The following CADM2 variants were observed in gnomAD, a reference collection of about 807,000 sequenced individuals.
CADM2 encodes the protein cell adhesion molecule 2.
In CADM2, 12 loss-of-function variants were observed where a neutral mutation model predicts 49.8. That is an observed-to-expected ratio of 0.24 (90% CI 0.15 to 0.39). The LOEUF (loss-of-function observed/expected upper bound fraction) is 0.39. Ranked by LOEUF, CADM2 falls within the 10% of genes least tolerant of loss-of-function variation. The pLI is 1.00. For synonymous variants in CADM2, 214 were observed against 175.4 expected, an observed-to-expected ratio of 1.22 and a Z score of -1.74; for missense variants, 378 against 492.3, an observed-to-expected ratio of 0.77 and a Z score of 2.20.
intron 1 of CADM2, among the ~76,000 whole-genome samples, chr3:85,468,510 G>A (rs989968804): frequency 6.6e-6 from 1 of 152,168 alleles, no homozygotes; most frequent in Non-Finnish European, 1.5e-5. Context: ...TCATTCTTAA[G>A]TGAGTATATA....
intron 1 of CADM2, among the ~76,000 whole-genome samples, chr3:85,295,936 G>GA (rs1315751827): frequency 6.7e-6 from 1 of 150,156 alleles, no homozygotes; most frequent in Non-Finnish European, 1.5e-5. Context: ...ATAAAAAAAA[G>GA]AAAAAAAGAA....
At chr3:85,344,380 AAAATAAATAAATAAATAAAT>A (rs74850280) in intron 1 of CADM2, among the ~76,000 whole-genome samples, 14 of 140,360 alleles carry the variant, frequency 1.0e-4, no homozygotes, top group African/African-American at 3.1e-4. Context: ...ACACCATCTC[AAAATAAATAAATAAATAAAT>A]AAATAAATAA....
At chr3:85,098,346 G>A (rs903128884) in intron 1 of CADM2, among the ~76,000 whole-genome samples, 1 of 149,708 alleles carries the variant, frequency 6.7e-6, no homozygotes, top group Non-Finnish European at 1.5e-5. Context: ...ATGTAAGAGG[G>A]AAAAAAAAAT....
intron 6 of CADM2, among the ~76,000 whole-genome samples, chr3:85,933,927 A>G (rs1051110050): frequency 6.6e-5 from 10 of 152,080 alleles, no homozygotes; most frequent in African/African-American, 1.2e-4. Context: ...CATATCATGG[A>G]ATGCCATCTG....
In CADM2 at chr3:86,069,793, T is replaced by C. The variant is rs1026250513; in HGVS notation, c.*3010T>C. 2.0e-5 allele frequency: 3 copies of C among 152,060 alleles called. No individual in the cohort carries two copies. The highest frequency in any genetic ancestry group is 7.2e-5 in the African/African-American group (3 of 41,454). The allele number at this position is 152,060 out of a possible 1,614,324, so 9.4% of individuals were successfully genotyped here. The stretch of plus-strand genomic sequence containing the variant: ...TACTGTTTACAGTGTAAATTGATTG[T>C]CCTCCGTCAAAATCAAGTCTAAGCG... On this transcript the variant is annotated 3_prime_UTR_variant, in exon 10 of 10. Transcript: ENST00000383699.
chr3:85,981,983 A>G (rs1727535701), intron 8 of CADM2, among the ~76,000 whole-genome samples: 1 of 151,712 alleles, frequency 6.6e-6, no homozygotes, highest in African/African-American at 2.4e-5. Flanking sequence ...GCAGTATGCA[A>G]GCATTCCATT....
Position 84,959,625 on chromosome 3 carries a change from C to T in CADM2, c.18C>T (p.Ser6=). 1 of 1,537,026 alleles carries T rather than the reference C, an allele frequency of 6.5e-7. No homozygotes were observed. The highest frequency in any genetic ancestry group is 8.7e-7 in the Non-Finnish European group (1 of 1,146,906). MIWKR[S]AVLRFYSVCG... ...AAGGGACCATGATTTGGAAACGCAG[C>T]GCCGTTCTCCGCTTCTACAGTGTCT... The change falls in exon 1 of 10, where the codon AGC becomes AGT. Residue 6 remains serine (S), a synonymous_variant. Transcript: ENST00000383699.
chr3:85,163,397 G>A (rs2040382770), intron 1 of CADM2, among the ~76,000 whole-genome samples: 1 of 152,036 alleles, frequency 6.6e-6, no homozygotes, highest in African/African-American at 2.4e-5. Flanking sequence ...CGTGAACTGG[G>A]ATACTGAAGC....
intron 1 of CADM2, among the ~76,000 whole-genome samples, chr3:84,982,249 T>G (rs1379842271): frequency 6.6e-6 from 1 of 152,106 alleles, no homozygotes; most frequent in Non-Finnish European, 1.5e-5. Flanking sequence ...TAGTCAAGTG[T>G]TTTTTGTAAA....
At chr3:85,676,556 T>C (rs2065891875) in intron 1 of CADM2, among the ~76,000 whole-genome samples, 1 of 152,232 alleles carries the variant, frequency 6.6e-6, no homozygotes, top group Admixed American at 6.5e-5. Context: ...AGTTGGTAAT[T>C]AATGACATCC....
intron 3 of CADM2, 23 bp from the exon 4 acceptor site, chr3:85,883,268 T>G: frequency 3.1e-6 from 5 of 1,590,926 alleles, no homozygotes; most frequent in Non-Finnish European, 4.3e-6. Flanking sequence ...CTTATTTACA[T>G]TTTCAATATT....
intron 8 of CADM2, among the ~76,000 whole-genome samples, chr3:86,032,181 T>C (rs976225582): frequency 1.3e-5 from 2 of 151,806 alleles, no homozygotes; most frequent in Admixed American, 1.3e-4. Flanking sequence ...ATGGTTTAAA[T>C]ACACTATACT....
intron 1 of CADM2, among the ~76,000 whole-genome samples, chr3:85,426,235 A>G (rs1303943108): frequency 6.6e-6 from 1 of 151,184 alleles, no homozygotes; most frequent in African/African-American, 2.4e-5. Context: ...TCGACCTCTT[A>G]GGCTCAAGCA....
chr3:86,054,380 T>A (rs1007224271), intron 8 of CADM2, among the ~76,000 whole-genome samples: 1 of 152,126 alleles, frequency 6.6e-6, no homozygotes, highest in Non-Finnish European at 1.5e-5. Flanking sequence ...TGTTGTTATA[T>A]ACATTTTAGA....
intron 1 of CADM2, among the ~76,000 whole-genome samples, chr3:85,689,275 G>C (rs1237150303): frequency 6.6e-6 from 1 of 152,146 alleles, no homozygotes; most frequent in East Asian, 1.9e-4. Context: ...GAGAGGCAGG[G>C]AGGATGTAAC....
intron 1 of CADM2, among the ~76,000 whole-genome samples, chr3:85,322,363 G>T (rs547857003): frequency 1.3e-5 from 2 of 152,196 alleles, no homozygotes; most frequent in African/African-American, 4.8e-5. Context: ...AAAACCTAGG[G>T]CATGGGTTTC....
At chr3:85,511,419 A>T (rs1335458216) in intron 1 of CADM2, among the ~76,000 whole-genome samples, 2 of 152,072 alleles carry the variant, frequency 1.3e-5, no homozygotes, top group African/African-American at 4.8e-5. Flanking sequence ...ACCTGATTCT[A>T]AACAGACCTG....
At chr3:84,969,505 A>G (rs1453589966) in intron 1 of CADM2, among the ~76,000 whole-genome samples, 7 of 129,172 alleles carry the variant, frequency 5.4e-5, no homozygotes, top group East Asian at 2.0e-4. Context: ...TGTCTGGTCT[A>G]TCTTTTTTTT....
intron 2 of CADM2, among the ~76,000 whole-genome samples, chr3:85,779,633 A>G (rs1577294120): frequency 6.6e-6 from 1 of 152,130 alleles, no homozygotes; most frequent in Non-Finnish European, 1.5e-5. Context: ...CCATGATTAA[A>G]CTACCTCCCA....
Sources: gnomAD v4.1 joint callset for allele counts (sites outside exome capture counted in the v4.1 genomes callset) on GRCh38, gnomAD v4.1.1 for gene constraint, MANE v1.5 for transcripts, NCBI Gene and HGNC (gene_info 2026-07-23, HGNC 2026-07-21) for gene names.